The following PDE4D variants were observed in gnomAD, a reference collection of about 807,000 sequenced individuals.
PDE4D encodes phosphodiesterase 4D, also known as 3',5'-cyclic-AMP phosphodiesterase 4D.
Under a neutral mutation model 87.4 loss-of-function variants are expected in PDE4D, and 24 were observed. The ratio of observed to expected loss-of-function variants is 0.27; its 90% confidence interval spans 0.20 to 0.39. PDE4D has a LOEUF of 0.39. Among genes scored for constraint, PDE4D ranks in the 10% least tolerant of loss-of-function variants. The pLI is 1.00. For synonymous variants in PDE4D, 384 were observed against 383.2 expected, an observed-to-expected ratio of 1.00 and a Z score of -0.02; for missense variants, 714 against 1,041.0, an observed-to-expected ratio of 0.69 and a Z score of 4.32.
chr5:59,341,219 G>A (rs569357646), intron 1 of PDE4D, among the ~76,000 whole-genome samples: 1 of 152,180 alleles, frequency 6.6e-6, no homozygotes, highest in African/African-American at 2.4e-5. Context: ...TTCTACACAG[G>A]TACAATGTGT....
intron 1 of PDE4D, among the ~76,000 whole-genome samples, chr5:59,425,822 C>A (rs559023532): frequency 6.6e-6 from 1 of 152,218 alleles, no homozygotes; most frequent in African/African-American, 2.4e-5. Flanking sequence ...GATTCACAGT[C>A]GGATTACTAT....
At chr5:60,356,753 A>C (rs1759659072) in intron 1 of PDE4D, among the ~76,000 whole-genome samples, 1 of 152,212 alleles carries the variant, frequency 6.6e-6, no homozygotes, top group Non-Finnish European at 1.5e-5. Flanking sequence ...TATTGATGCC[A>C]CACACTAAAT....
intron 1 of PDE4D, among the ~76,000 whole-genome samples, chr5:59,785,923 T>A (rs1278661242): frequency 6.6e-6 from 1 of 151,976 alleles, no homozygotes; most frequent in East Asian, 1.9e-4. Context: ...GGTCAGGTTA[T>A]GTCATGAGAA....
At chr5:59,009,636 ATATCC>A (rs1279527641) in intron 6 of PDE4D, among the ~76,000 whole-genome samples, 1 of 152,028 alleles carries the variant, frequency 6.6e-6, no homozygotes, top group African/African-American at 2.4e-5. Flanking sequence ...GGTGGTATAA[ATATCC>A]TATATTATAT....
intron 1 of PDE4D, among the ~76,000 whole-genome samples, chr5:59,798,376 G>T (rs760058740): frequency 6.6e-6 from 1 of 151,134 alleles, no homozygotes; most frequent in African/African-American, 2.4e-5. Flanking sequence ...TTTTTTAAAA[G>T]CTATTTATAA....
chr5:59,750,396 T>C (rs1300735304), intron 1 of PDE4D, among the ~76,000 whole-genome samples: 1 of 152,106 alleles, frequency 6.6e-6, no homozygotes, highest in Non-Finnish European at 1.5e-5. Context: ...GGCTCCTACC[T>C]CATTTTCTAT....
chr5:59,792,439 T>TG (rs1561669604), intron 1 of PDE4D, among the ~76,000 whole-genome samples: 6 of 150,380 alleles, frequency 4.0e-5, no homozygotes, highest in Non-Finnish European at 5.9e-5. Flanking sequence ...TGTGTGTGTG[T>TG]TTTGAGGAAG....
At chr5:59,756,407 G>A (rs1761220118) in intron 1 of PDE4D, among the ~76,000 whole-genome samples, 1 of 151,792 alleles carries the variant, frequency 6.6e-6, no homozygotes, top group Admixed American at 6.6e-5. Flanking sequence ...ATATTAAAAT[G>A]CATGTATTTG....
chr5:59,985,933 A>T (rs1352079915), intron 3 of PDE4D, among the ~76,000 whole-genome samples: 2 of 152,238 alleles, frequency 1.3e-5, no homozygotes, highest in African/African-American at 4.8e-5. Context: ...TGCAGTTCAA[A>T]CCTGTATTGT....
intron 5 of PDE4D, among the ~76,000 whole-genome samples, chr5:59,096,762 T>C (rs1013430677): frequency 2.0e-5 from 3 of 152,140 alleles, no homozygotes; most frequent in Non-Finnish European, 4.4e-5. Context: ...ACAGGACCCA[T>C]AGACAGAGAA....
At chr5:60,422,236 T>C (rs1196599379) in intron 1 of PDE4D, among the ~76,000 whole-genome samples, 2 of 152,158 alleles carry the variant, frequency 1.3e-5, no homozygotes, top group South Asian at 4.2e-4. Flanking sequence ...CCAAGACACA[T>C]AATTTTCAGA....
chr5:59,512,017 A>G (rs1169738295), intron 1 of PDE4D, among the ~76,000 whole-genome samples: 1 of 152,142 alleles, frequency 6.6e-6, no homozygotes, highest in African/African-American at 2.4e-5. Flanking sequence ...CATAAACAAA[A>G]CATAACACAG....
intron 2 of PDE4D, among the ~76,000 whole-genome samples, chr5:60,061,696 C>A (rs2152888155): frequency 6.6e-6 from 1 of 152,228 alleles, no homozygotes; most frequent in South Asian, 2.1e-4. Flanking sequence ...TGCAAGGCTA[C>A]AGTAACCAAA....
chr5:59,107,192 G>C (rs890330116), intron 5 of PDE4D, among the ~76,000 whole-genome samples: 2 of 152,162 alleles, frequency 1.3e-5, no homozygotes, highest in African/African-American at 4.8e-5. Flanking sequence ...TGAGAGTGCT[G>C]AGGGCATTTT....
intron 1 of PDE4D, among the ~76,000 whole-genome samples, chr5:60,303,431 C>T (rs1391780947): frequency 1.3e-5 from 2 of 151,712 alleles, no homozygotes; most frequent in African/African-American, 4.8e-5. Context: ...GCCTCAGCCT[C>T]CCGTGTAGCT....
chr5:59,508,562 T>TA (rs909570351), intron 1 of PDE4D, among the ~76,000 whole-genome samples: 11 of 150,668 alleles, frequency 7.3e-5, no homozygotes, highest in Non-Finnish European at 1.3e-4. Flanking sequence ...AGAAAATGCA[T>TA]AAAAAAAATA....
In PDE4D at chr5:59,461,578, C is replaced by A. The variant is rs566209842; in HGVS notation, c.456-245610G>T. On this transcript the variant is annotated intron_variant, in intron 1 of 14. Coordinates refer to ENST00000340635, the MANE Select transcript of PDE4D (RefSeq NM_001104631.2). ...TGCCTGTAATCAGTTAAGAACAATG[C>A]AAGTTAATAAAAGCCTAGACAGCTT... Among the ~76,000 whole-genome samples the A allele has an allele frequency of 4.6e-5, 7 of 152,218 alleles. No homozygotes were observed. The East Asian group carries it at 1.2e-3, about 25-fold the overall frequency.
At chr5:59,744,674 G>A (rs1301758845) in intron 1 of PDE4D, among the ~76,000 whole-genome samples, 1 of 152,246 alleles carries the variant, frequency 6.6e-6, no homozygotes, top group Non-Finnish European at 1.5e-5. Flanking sequence ...GTTGTCATGA[G>A]AGAAGGGGTA....
chr5:59,492,256 G>A (rs1291136672), intron 1 of PDE4D, among the ~76,000 whole-genome samples: 1 of 152,162 alleles, frequency 6.6e-6, no homozygotes, highest in African/African-American at 2.4e-5. Context: ...TATCCCATCT[G>A]TACATTCACT....
Sources: gnomAD v4.1 joint callset for allele counts (sites outside exome capture counted in the v4.1 genomes callset) on GRCh38, gnomAD v4.1.1 for gene constraint, MANE v1.5 for transcripts, NCBI Gene and HGNC (gene_info 2026-07-23, HGNC 2026-07-21) for gene names.